The following RBMS3 variants were observed in gnomAD, a reference collection of about 807,000 sequenced individuals.
RBMS3 encodes the protein RNA binding motif single stranded interacting protein 3.
RBMS3 carries 27 observed loss-of-function variants against 66.8 expected under a neutral mutation model. The ratio of observed to expected loss-of-function variants is 0.40; its 90% confidence interval spans 0.30 to 0.56. The LOEUF (loss-of-function observed/expected upper bound fraction) is 0.56. Among genes scored for constraint, RBMS3 ranks in the 20% least tolerant of loss-of-function variants. The pLI is 0.40. For missense variants in RBMS3, 513 were observed against 549.5 expected (o/e 0.93, Z 0.66); for synonymous variants, 188 against 183.0 (o/e 1.03, Z -0.22).
At chr3:29,853,994 T>C (rs1420741561) in intron 6 of RBMS3, among the ~76,000 whole-genome samples, 1 of 152,178 alleles carries the variant, frequency 6.6e-6, no homozygotes, top group African/African-American at 2.4e-5. Flanking sequence ...ACTCCTCCAC[T>C]TCTTCCAGAG....
At chr3:29,495,960 A>G (rs1407901300) in intron 3 of RBMS3, among the ~76,000 whole-genome samples, 2 of 152,170 alleles carry the variant, frequency 1.3e-5, no homozygotes, top group Admixed American at 1.3e-4. Flanking sequence ...AAAGGAAGAA[A>G]CCAACACCAT....
chr3:29,884,116 T>C (rs1399617096), intron 7 of RBMS3, 46 bp from the exon 8 acceptor site: 1 of 1,548,332 alleles, frequency 6.5e-7, no homozygotes. Context: ...GGCACCACAA[T>C]AAAAACGTTA....
chr3:29,644,418 A>G (rs1245335986), intron 4 of RBMS3, among the ~76,000 whole-genome samples: 4 of 152,148 alleles, frequency 2.6e-5, no homozygotes, highest in African/African-American at 9.7e-5. Flanking sequence ...GTGTGCCTCC[A>G]TGCACAGACA....
chr3:29,395,291 A>G (rs972161456), intron 1 of RBMS3, among the ~76,000 whole-genome samples: 7 of 152,228 alleles, frequency 4.6e-5, no homozygotes, highest in African/African-American at 1.7e-4. Context: ...GTCAACTGAC[A>G]ATACCCACAA....
chr3:29,349,156 A>G (rs983945441), intron 1 of RBMS3, among the ~76,000 whole-genome samples: 5 of 152,162 alleles, frequency 3.3e-5, no homozygotes, highest in African/African-American at 1.2e-4. Flanking sequence ...TGTGACATTG[A>G]TGATAGATTT....
intron 1 of RBMS3, among the ~76,000 whole-genome samples, chr3:29,419,184 A>G (rs1336697020): frequency 3.3e-5 from 5 of 152,146 alleles, no homozygotes; most frequent in Non-Finnish European, 5.9e-5. Flanking sequence ...ACCATATTTC[A>G]GTATTCCAAG....
intron 3 of RBMS3, among the ~76,000 whole-genome samples, chr3:29,564,590 G>C (rs1216689660): frequency 2.0e-5 from 3 of 151,834 alleles, no homozygotes; most frequent in African/African-American, 7.3e-5. Flanking sequence ...AGATAAACTA[G>C]GAAAAGAAAT....
chr3:29,578,903 G>T lies in RBMS3; in HGVS notation c.308-8211G>T, dbSNP rs935610780. Among the ~76,000 whole-genome samples, 88 of 134,876 alleles carry T rather than the reference G, an allele frequency of 6.5e-4. 2 individuals carry two copies. Among genetic ancestry groups the T allele is most frequent in the African/African-American group, 2.4e-3 (84 of 34,336 alleles). 88.5% of individuals were successfully genotyped at this position (134,876 alleles called of 152,430 possible). A position where few individuals can be genotyped will look rare whatever the true frequency, so the allele number is the denominator to read the frequency against. On this transcript the variant is annotated intron_variant, in intron 3 of 14. Transcript: ENST00000383767. ...TGCAAGCTCCGCTTCCCGGGTTCAC[G>T]CCATTCTCCTGCCTCAGCCTCCCGA...
chr3:29,290,663 A>C (rs1274766334), intron 1 of RBMS3: 1 of 151,864 alleles, frequency 6.6e-6, no homozygotes, highest in Non-Finnish European at 1.5e-5. Context: ...ACTGCTTTTA[A>C]ACTTTATTAT....
At chr3:29,491,873 G>A (rs1021760275) in intron 3 of RBMS3, among the ~76,000 whole-genome samples, 5 of 152,002 alleles carry the variant, frequency 3.3e-5, no homozygotes, top group Non-Finnish European at 7.4e-5. Context: ...GGTGCCTGTA[G>A]TCCCAGCTAC....
At chr3:29,503,187 C>T (rs149811397) in intron 3 of RBMS3, among the ~76,000 whole-genome samples, 1 of 152,058 alleles carries the variant, frequency 6.6e-6, no homozygotes, top group Admixed American at 6.6e-5. Flanking sequence ...TTGAATTCAT[C>T]CAGGCACCAA....
At chr3:29,579,316 A>G (rs1297053089) in intron 3 of RBMS3, among the ~76,000 whole-genome samples, 2 of 152,138 alleles carry the variant, frequency 1.3e-5, no homozygotes, top group African/African-American at 2.4e-5. Flanking sequence ...CATTTGCTGA[A>G]ACTATTGAGT....
At chr3:29,639,121 C>A (rs1436945969) in intron 4 of RBMS3, among the ~76,000 whole-genome samples, 1 of 151,654 alleles carries the variant, frequency 6.6e-6, no homozygotes, top group East Asian at 1.9e-4. Flanking sequence ...AGGGAAGAGG[C>A]CTGGGTGAGG....
At chr3:29,409,544 G>T (rs2040178305) in intron 1 of RBMS3, among the ~76,000 whole-genome samples, 1 of 152,210 alleles carries the variant, frequency 6.6e-6, no homozygotes, top group Non-Finnish European at 1.5e-5. Flanking sequence ...CAGCATAGTG[G>T]ATGGGTTCCA....
intron 14 of RBMS3, among the ~76,000 whole-genome samples, chr3:29,996,037 G>A (rs1375166923): frequency 6.6e-6 from 1 of 152,086 alleles, no homozygotes; most frequent in African/African-American, 2.4e-5. Flanking sequence ...CACTTGCAGA[G>A]ACACACATAG....
At chr3:29,375,549 G>A (rs550116965) in intron 1 of RBMS3, among the ~76,000 whole-genome samples, 38 of 152,202 alleles carry the variant, frequency 2.5e-4, no homozygotes, top group African/African-American at 8.7e-4. Flanking sequence ...CAAATGACAT[G>A]AACAGACACT....
intron 10 of RBMS3, among the ~76,000 whole-genome samples, chr3:29,926,467 T>C (rs1415865433): frequency 6.6e-6 from 1 of 152,200 alleles, no homozygotes; most frequent in African/African-American, 2.4e-5. Context: ...ACTTGCACTA[T>C]AAACAATGGC....
chr3:29,867,608 A>G (rs2059393771), intron 6 of RBMS3, among the ~76,000 whole-genome samples: 1 of 149,672 alleles, frequency 6.7e-6, no homozygotes, highest in South Asian at 2.2e-4. Context: ...ATCCATGCAG[A>G]GGAGCAAAAG....
intron 3 of RBMS3, among the ~76,000 whole-genome samples, chr3:29,556,615 AAAAG>A (rs1364680364): frequency 6.6e-6 from 1 of 152,092 alleles, no homozygotes; most frequent in Non-Finnish European, 1.5e-5. Flanking sequence ...AAAAAAAAGA[AAAAG>A]AAAATGAATG....
Sources: gnomAD v4.1 joint callset for allele counts (sites outside exome capture counted in the v4.1 genomes callset) on GRCh38, gnomAD v4.1.1 for gene constraint, MANE v1.5 for transcripts, NCBI Gene and HGNC (gene_info 2026-07-23, HGNC 2026-07-21) for gene names.